CAST: variants seen among roughly 807,000 people sequenced by gnomAD.
CAST encodes the protein MIR583 host.
In CAST, 76 loss-of-function variants were observed where a neutral mutation model predicts 119.6. That is an observed-to-expected ratio of 0.64 (90% CI 0.53 to 0.77). CAST has a LOEUF of 0.77. Among genes scored for constraint, CAST ranks in the 30% least tolerant of loss-of-function variants. CAST has a pLI of 0.00. For synonymous variants in CAST, 319 were observed against 331.6 expected (o/e 0.96, Z 0.41); for missense variants, 953 against 946.5 (o/e 1.01, Z -0.09).
the CAST span, among the ~76,000 whole-genome samples, chr5:96,271,687 G>C: frequency 2.1e-4 from 32 of 150,714 alleles, 1 homozygote; most frequent in East Asian, 6.0e-3. Context: ...AATGCTCCAG[G>C]ACATTGGTCT....
chr5:96,217,233 G>T, the CAST span, among the ~76,000 whole-genome samples: 1 of 64,700 alleles, frequency 1.5e-5, no homozygotes, highest in African/African-American at 6.2e-5. Context: ...TAGAGATGAG[G>T]TCTTGCTTTG....
At chr5:96,392,904 A>G in the CAST span, 1 of 1,212,600 alleles carries the variant, frequency 8.2e-7, no homozygotes, top group South Asian at 1.2e-5. Context: ...TATTATAAGC[A>G]TAAGAATTCA....
At chr5:96,662,233 G>C, upstream of CAST, 1 of 601,844 alleles carries the variant, frequency 1.7e-6, no homozygotes, top group Admixed American at 4.5e-5. Context: ...GGCAGGAAGG[G>C]GAGGGCCCAT....
chr5:96,626,293 C>T (rs1747721230), intron 1 of CAST, among the ~76,000 whole-genome samples: 1 of 152,182 alleles, frequency 6.6e-6, no homozygotes, highest in Admixed American at 6.5e-5. Context: ...TGACCTGATT[C>T]CCCTGCTGCC....
chr5:96,725,085 C>T (rs1427474444), intron 4 of CAST, among the ~76,000 whole-genome samples: 1 of 152,110 alleles, frequency 6.6e-6, no homozygotes, highest in Non-Finnish European at 1.5e-5. Context: ...GAATTCTCGG[C>T]AGTCCTGTGA....
upstream of CAST, among the ~76,000 whole-genome samples, chr5:96,524,469 C>T (rs1745567882): frequency 6.6e-6 from 1 of 152,176 alleles, no homozygotes. Context: ...CTCAGCATTC[C>T]AGCAGGGAGT....
intron 1 of CAST, among the ~76,000 whole-genome samples, chr5:96,578,349 T>C (rs73774308): frequency 0.083 from 12,474 of 150,396 alleles, 992 homozygotes; most frequent in East Asian, 0.3. Flanking sequence ...GGACCGCATA[T>C]AGTTGAGCAT....
chr5:96,619,741 A>G (rs1747558875), intron 1 of CAST, among the ~76,000 whole-genome samples: 2 of 152,154 alleles, frequency 1.3e-5, no homozygotes, highest in South Asian at 2.1e-4. Context: ...CATCTTTAAG[A>G]AGGGTAACAC....
the CAST span, among the ~76,000 whole-genome samples, chr5:96,254,822 TTC>T: frequency 6.6e-6 from 1 of 152,212 alleles, no homozygotes; most frequent in East Asian, 1.9e-4. Flanking sequence ...TTAAAAAAAT[TTC>T]TGTCTTTAAG....
the CAST span, among the ~76,000 whole-genome samples, chr5:96,295,670 G>A: frequency 6.6e-6 from 1 of 151,892 alleles, no homozygotes; most frequent in Admixed American, 6.6e-5. Flanking sequence ...ATATAACTGG[G>A]GATTTATTTG....
intron 1 of CAST, among the ~76,000 whole-genome samples, chr5:96,666,521 T>C (rs1038920598): frequency 6.6e-6 from 1 of 152,186 alleles, no homozygotes; most frequent in African/African-American, 2.4e-5. Context: ...GGGAAGAATG[T>C]TGCAAGCCTT....
the CAST span, among the ~76,000 whole-genome samples, chr5:96,427,943 G>C: frequency 1.6e-3 from 242 of 152,186 alleles, 1 homozygote; most frequent in African/African-American, 5.6e-3. Context: ...CTGTAATAAG[G>C]TCCAGGGCCT....
chr5:96,345,430 C>T, the CAST span, among the ~76,000 whole-genome samples: 1 of 152,120 alleles, frequency 6.6e-6, no homozygotes, highest in African/African-American at 2.4e-5. Context: ...TCTGAGCTTT[C>T]GACTTAGCAT....
chr5:96,458,705 T>C, the CAST span, among the ~76,000 whole-genome samples: 1 of 152,172 alleles, frequency 6.6e-6, no homozygotes, highest in Admixed American at 6.5e-5. Flanking sequence ...TGTGCAACCC[T>C]TTTAATCTTT....
intron 1 of CAST, among the ~76,000 whole-genome samples, chr5:96,548,520 C>T (rs1381959544): frequency 6.6e-6 from 1 of 151,984 alleles, no homozygotes; most frequent in Non-Finnish European, 1.5e-5. Flanking sequence ...GGTAGATGCA[C>T]CCCCCGCCCC....
chr5:96,249,298 A>T, the CAST span, among the ~76,000 whole-genome samples: 1 of 152,148 alleles, frequency 6.6e-6, no homozygotes, highest in Non-Finnish European at 1.5e-5. Context: ...GGCATGGAGG[A>T]TCTAGTCTGC....
upstream of CAST, among the ~76,000 whole-genome samples, chr5:96,526,493 C>A (rs261969): frequency 0.86 from 130,181 of 152,182 alleles, 56,879 homozygotes; most frequent in Non-Finnish European, 0.97. Flanking sequence ...TCTCCTCTAC[C>A]AAAGGGGAAA....
chr5:96,575,760 A>C (rs1746659736), intron 1 of CAST, among the ~76,000 whole-genome samples: 2 of 151,810 alleles, frequency 1.3e-5, no homozygotes, highest in Non-Finnish European at 2.9e-5. Flanking sequence ...CTCCTACCTC[A>C]GACCCTTGAG....
At chr5:96,102,827 C>A in the CAST span, among the ~76,000 whole-genome samples, 1 of 151,096 alleles carries the variant, frequency 6.6e-6, no homozygotes, top group Admixed American at 6.6e-5. Flanking sequence ...TTTTCCTAAT[C>A]CTTTTCTCAT....
Sources: gnomAD v4.1 joint callset for allele counts (sites outside exome capture counted in the v4.1 genomes callset) on GRCh38, gnomAD v4.1.1 for gene constraint, MANE v1.5 for transcripts, NCBI Gene and HGNC (gene_info 2026-07-23, HGNC 2026-07-21) for gene names.